Variants in LRRC4C observed in about 807,000 individuals in gnomAD.
LRRC4C encodes the protein leucine-rich repeat-containing protein 4C.
In LRRC4C, 5 loss-of-function variants were observed where a neutral mutation model predicts 33.6. The observed-to-expected ratio is 0.15, with a 90% confidence interval of 0.08 to 0.31. The LOEUF is 0.31. Among genes scored for constraint, LRRC4C ranks in the 10% least tolerant of loss-of-function variants. The pLI, the probability that LRRC4C is intolerant of heterozygous loss-of-function variation, is 1.00. For synonymous variants in LRRC4C, 329 were observed against 302.0 expected, an observed-to-expected ratio of 1.09 and a Z score of -0.93; for missense variants, 560 against 796.7, an observed-to-expected ratio of 0.70 and a Z score of 3.58.
chr11:41,342,328 T>C (rs997675033), intron 1 of LRRC4C, among the ~76,000 whole-genome samples: 5 of 152,168 alleles, frequency 3.3e-5, no homozygotes, highest in African/African-American at 1.2e-4. Flanking sequence ...TCCCTAGCAA[T>C]ATTTTAGTTT....
intron 2 of LRRC4C, among the ~76,000 whole-genome samples, chr11:40,861,678 A>C (rs1954109349): frequency 6.6e-6 from 1 of 152,172 alleles, no homozygotes; most frequent in Non-Finnish European, 1.5e-5. Context: ...GCTGTAAAGG[A>C]ATACCCAAGG....
intron 2 of LRRC4C, among the ~76,000 whole-genome samples, chr11:40,754,701 T>A (rs1948860470): frequency 6.6e-6 from 1 of 152,158 alleles, no homozygotes; most frequent in Non-Finnish European, 1.5e-5. Context: ...AAGCAGTATC[T>A]TAAGAGTCAT....
rs959024076 is a variant in LRRC4C at position 40,253,708 on chromosome 11, C to T, written c.-175-12110G>A. ...CACTGCAGCCCAATGCTACAGATTA[C>T]CTTGGATCCAAATCCTGGCTCGACG... On this transcript the variant is annotated intron_variant, in intron 4 of 6. Transcript: ENST00000528697. 6.6e-5 allele frequency among the ~76,000 whole-genome samples: 10 copies of T among 152,148 alleles called. No individual in the cohort carries two copies. In the East Asian group the frequency reaches 9.6e-4, roughly 15 times the overall value.
At chr11:41,440,539 A>G (rs930510963) in intron 1 of LRRC4C, among the ~76,000 whole-genome samples, 2 of 152,154 alleles carry the variant, frequency 1.3e-5, no homozygotes, top group Non-Finnish European at 2.9e-5. Flanking sequence ...AACACACTAC[A>G]TATGTTTTTT....
chr11:40,183,747 A>C (rs1029448237), intron 5 of LRRC4C, among the ~76,000 whole-genome samples: 1 of 152,236 alleles, frequency 6.6e-6, no homozygotes, highest in African/African-American at 2.4e-5. Flanking sequence ...GAATCTCAGT[A>C]AAGGCCAACT....
chr11:41,318,735 A>G (rs370987799), intron 1 of LRRC4C, among the ~76,000 whole-genome samples: 2 of 152,148 alleles, frequency 1.3e-5, no homozygotes, highest in South Asian at 2.1e-4. Context: ...TTGTGGTTAT[A>G]TATTTGTGTG....
intron 5 of LRRC4C, among the ~76,000 whole-genome samples, chr11:40,145,398 T>G (rs1380034466): frequency 1.3e-5 from 2 of 152,178 alleles, no homozygotes; most frequent in Non-Finnish European, 2.9e-5. Flanking sequence ...GAAATCCTTT[T>G]CAGCTTAGGT....
intron 5 of LRRC4C, among the ~76,000 whole-genome samples, chr11:40,142,884 C>T (rs992399689): frequency 2.0e-5 from 3 of 152,190 alleles, no homozygotes; most frequent in Non-Finnish European, 2.9e-5. Context: ...AAAAATCAAC[C>T]TGTCTACAGT....
At chr11:40,467,991 A>G (rs996649291) in intron 3 of LRRC4C, among the ~76,000 whole-genome samples, 2 of 152,310 alleles carry the variant, frequency 1.3e-5, no homozygotes, top group Admixed American at 6.5e-5. Flanking sequence ...GCTGCAGGCC[A>G]GCATTCCAGT....
At position 41,160,055 on chromosome 11, in the gene LRRC4C, T is replaced by C. The variant is rs550168961; in HGVS notation, c.-495-226332A>G. Among the ~76,000 whole-genome samples, 10 of 152,004 alleles carry C rather than the reference T, an allele frequency of 6.6e-5. No homozygotes were observed. In the South Asian group the frequency reaches 2.1e-3, roughly 32 times the overall value. On this transcript the variant is annotated intron_variant, in intron 1 of 6. Coordinates refer to ENST00000528697, the MANE Select transcript of LRRC4C (RefSeq NM_001258419.2). ...CACACACATGAATGGAAATTAAAAG[T>C]ATTAGAAAACTATCATTACAAAGTG...
At chr11:40,839,368 TCCAAGTAGCTGGGATTACAGACA>T (rs1361336800) in intron 2 of LRRC4C, among the ~76,000 whole-genome samples, 1 of 152,066 alleles carries the variant, frequency 6.6e-6, no homozygotes, top group Non-Finnish European at 1.5e-5. Context: ...CGCCTCAGCC[TCCAAGTAGCTGGGATTACAGACA>T]CCCACCACCA....
intron 3 of LRRC4C, among the ~76,000 whole-genome samples, chr11:40,400,272 G>A (rs1364852136): frequency 2.0e-5 from 3 of 152,078 alleles, no homozygotes; most frequent in Non-Finnish European, 4.4e-5. Flanking sequence ...GTGCAAACTG[G>A]AGAGAGAGCT....
At chr11:40,592,694 C>A (rs1365193746) in intron 3 of LRRC4C, among the ~76,000 whole-genome samples, 1 of 152,142 alleles carries the variant, frequency 6.6e-6, no homozygotes, top group South Asian at 2.1e-4. Flanking sequence ...AACTTTTAGC[C>A]AGACAATCTC....
intron 1 of LRRC4C, among the ~76,000 whole-genome samples, chr11:41,040,118 AC>A (rs1037997510): frequency 2.0e-5 from 3 of 146,960 alleles, no homozygotes; most frequent in Non-Finnish European, 3.0e-5. Context: ...AGCCTGGGCA[AC>A]AGAGTGAGAC....
At chr11:41,338,087 G>C (rs1951513940) in intron 1 of LRRC4C, among the ~76,000 whole-genome samples, 1 of 152,186 alleles carries the variant, frequency 6.6e-6, no homozygotes, top group Non-Finnish European at 1.5e-5. Context: ...ACTGTTGGTA[G>C]GTTAAATGGT....
Position 40,118,052 on chromosome 11 carries a change from A to T in LRRC4C, c.-42-1718T>A, listed in dbSNP as rs529268063. Among the ~76,000 whole-genome samples, 217 of 148,820 alleles carry T rather than the reference A, an allele frequency of 1.5e-3. 1 individual carries two copies. The highest frequency in any genetic ancestry group is 5.0e-3 in the African/African-American group (204 of 40,958). On this transcript the variant is annotated intron_variant, in intron 6 of 6. Transcript: ENST00000528697. ...ATTATAAATACTAATTTCATTATAA[A>T]TAGTAGTAATCATACTAATCATATA...
intron 2 of LRRC4C, among the ~76,000 whole-genome samples, chr11:40,733,299 TCTC>T (rs1328898805): frequency 6.6e-6 from 1 of 151,844 alleles, no homozygotes; most frequent in African/African-American, 2.4e-5. Context: ...ATGGTCTTGA[TCTC>T]CTGACCTCCT....
At chr11:41,304,489 T>C (rs1591210703) in intron 1 of LRRC4C, among the ~76,000 whole-genome samples, 1 of 92,342 alleles carries the variant, frequency 1.1e-5, no homozygotes, top group African/African-American at 4.2e-5. Flanking sequence ...GAGGAGCCCC[T>C]CTGCCCGGCC....
chr11:40,561,250 C>T (rs1314093415), intron 3 of LRRC4C, among the ~76,000 whole-genome samples: 1 of 152,016 alleles, frequency 6.6e-6, no homozygotes. Flanking sequence ...CACTCCTTCC[C>T]GTGTCACCTT....
Sources: gnomAD v4.1 joint callset for allele counts (sites outside exome capture counted in the v4.1 genomes callset) on GRCh38, gnomAD v4.1.1 for gene constraint, MANE v1.5 for transcripts, NCBI Gene and HGNC (gene_info 2026-07-23, HGNC 2026-07-21) for gene names.